Variants in PCDHA3 observed in about 807,000 individuals in gnomAD.
PCDHA3 encodes protocadherin alpha 3.
Under a neutral mutation model 62.2 loss-of-function variants are expected in PCDHA3, and 41 were observed. That is an observed-to-expected ratio of 0.66 (90% CI 0.51 to 0.86). The LOEUF (loss-of-function observed/expected upper bound fraction) is 0.86, where lower values mean the gene tolerates loss of function less well. Among genes scored for constraint, PCDHA3 ranks in the 40% least tolerant of loss-of-function variants. PCDHA3 has a pLI of 0.00. For synonymous variants in PCDHA3, 640 were observed against 555.4 expected, an observed-to-expected ratio of 1.15 and a Z score of -2.14; for missense variants, 1,304 against 1,241.2, an observed-to-expected ratio of 1.05 and a Z score of -0.76.
chr5:140,841,750 A>G (rs1554138520), intron 1 of PCDHA3: 6 of 1,613,798 alleles, frequency 3.7e-6, no homozygotes, highest in Non-Finnish European at 5.1e-6. Context: ...TGTTTGTTTC[A>G]GAATCCAGAA....
intron 1 of PCDHA3, among the ~76,000 whole-genome samples, chr5:140,972,283 A>C (rs2096528536): frequency 2.7e-5 from 4 of 149,876 alleles, no homozygotes; most frequent in Admixed American, 2.7e-4. Flanking sequence ...TGGACCATAG[A>C]TGTGCGCCAC....
intron 1 of PCDHA3, among the ~76,000 whole-genome samples, chr5:140,974,533 C>T (rs540810616): frequency 1.5e-4 from 23 of 152,160 alleles, no homozygotes; most frequent in Middle Eastern, 6.8e-3. Flanking sequence ...TTTTTTGAGA[C>T]GGAGTTTTGC....
At position 140,834,227 on chromosome 5, in the gene PCDHA3, A is replaced by T. The variant is rs1772849510; in HGVS notation, c.2394+30636A>T. The T allele has an allele frequency of 4.2e-6, 3 of 708,588 alleles. No individual in the cohort carries two copies. In the Admixed American group the frequency reaches 8.9e-5, roughly 21 times the overall value. 43.9% of individuals were successfully genotyped at this position (708,588 alleles called of 1,614,324 possible). ...AATTCTTTCGTAATCAGCAAAAGGAAGTCATTCCTTTTCGCACTGGAAAGA... is the reference window on the plus strand; with the variant it reads ...AATTCTTTCGTAATCAGCAAAAGGATGTCATTCCTTTTCGCACTGGAAAGA... On this transcript the variant is annotated intron_variant, in intron 1 of 3. Transcript: ENST00000522353.
Position 141,009,978 on chromosome 5 carries a change from A to G in PCDHA3, c.*41A>G. On this transcript the variant is annotated 3_prime_UTR_variant, in exon 4 of 4. Coordinates refer to ENST00000522353, the MANE Select transcript of PCDHA3 (RefSeq NM_018906.3). Reference sequence around the variant, plus strand: ...ACAAGCCACTTAGCCAGTTTTTGTAATAATGGCAAATCTCTCCCATGTAGC... The same window carrying G: ...ACAAGCCACTTAGCCAGTTTTTGTAGTAATGGCAAATCTCTCCCATGTAGC... 2 of 1,583,512 alleles carry G rather than the reference A, an allele frequency of 1.3e-6. No homozygotes were observed. Among genetic ancestry groups the G allele is most frequent in the Non-Finnish European group, 1.7e-6 (2 of 1,168,204 alleles).
At chr5:140,996,590 C>G (rs1325471388) in intron 3 of PCDHA3, among the ~76,000 whole-genome samples, 7 of 152,096 alleles carry the variant, frequency 4.6e-5, no homozygotes, top group African/African-American at 1.7e-4. Context: ...CAAGGGCCGC[C>G]TCCCCCCATT....
chr5:140,930,423 A>G (rs1366004853), intron 1 of PCDHA3: 3 of 151,862 alleles, frequency 2.0e-5, no homozygotes, highest in African/African-American at 7.3e-5. Flanking sequence ...GGGTCTCACT[A>G]TGTTGCCCAG....
rs369786229 is a variant in PCDHA3 at position 140,858,286 on chromosome 5, G to T, written c.2394+54695G>T. ...TGTGCTCTAGCGCGGTGGGGAGCTGGTCTTACTCGCAGCAGAGGCGGCAGA... is the reference window on the plus strand; with the variant it reads ...TGTGCTCTAGCGCGGTGGGGAGCTGTTCTTACTCGCAGCAGAGGCGGCAGA... On this transcript the variant is annotated intron_variant, in intron 1 of 3. Coordinates refer to ENST00000522353, the MANE Select transcript of PCDHA3 (RefSeq NM_018906.3). 5.0e-6 allele frequency: 8 copies of T among 1,597,506 alleles called. 1 individual carries two copies. Among genetic ancestry groups the T allele is most frequent in the Non-Finnish European group, 6.9e-6 (8 of 1,167,336 alleles).
intron 1 of PCDHA3, chr5:140,968,548 G>T: frequency 6.2e-7 from 1 of 1,614,174 alleles, no homozygotes; most frequent in Non-Finnish European, 8.5e-7. Context: ...TCGAGATGGT[G>T]CCTCGAACTG....
In PCDHA3 at chr5:140,927,340, G is replaced by A. The variant is rs77098674; in HGVS notation, c.2395-51609G>A. ...CCGCTTTACTCTCCCGAATGCCCAAGATGACGACGAGGGAAGCAATGGGAT... is the reference window on the plus strand; with the variant it reads ...CCGCTTTACTCTCCCGAATGCCCAAAATGACGACGAGGGAAGCAATGGGAT... On this transcript the variant is annotated intron_variant, in intron 1 of 3. Coordinates refer to ENST00000522353, the MANE Select transcript of PCDHA3 (RefSeq NM_018906.3). The A allele has an allele frequency of 8.1e-6, 13 of 1,614,032 alleles. No individual in the cohort carries two copies. The African/African-American group carries it at 1.5e-4, about 18-fold the overall frequency.
In PCDHA3 at chr5:140,995,570, A is replaced by T. The variant is rs186345842; in HGVS notation, c.2542+13007A>T. ...TCACTGTACTGAATAATATGTCAAG[A>T]TGAGCTATGAGCTTTTAACTTAGTG... is the stretch of plus-strand genomic sequence containing the variant. On this transcript the variant is annotated intron_variant, in intron 3 of 3. Transcript: ENST00000522353. Among the ~76,000 whole-genome samples, 3 of 152,328 alleles carry T rather than the reference A, an allele frequency of 2.0e-5. No homozygotes were observed. In the East Asian group the frequency reaches 5.8e-4, roughly 29 times the overall value.
chr5:140,803,826 G>A, intron 1 of PCDHA3: 3 of 638,648 alleles, frequency 4.7e-6, no homozygotes, highest in Middle Eastern at 4.2e-4. Context: ...ATTAGGTGCA[G>A]TAGTAGAATT....
At position 140,843,387 on chromosome 5, in the gene PCDHA3, C is replaced by G. The variant is rs782229636; in HGVS notation, c.2394+39796C>G. On this transcript the variant is annotated intron_variant, in intron 1 of 3. Transcript: ENST00000522353. ...AGGCAGTCGGCTGGCGTTTTGGGTC[C>G]GGAAGCGGCGCTGGTGGATGTCAAC... 7 of 1,595,950 alleles carry G rather than the reference C, an allele frequency of 4.4e-6. 1 individual carries two copies. The Admixed American group carries it at 1.2e-4, about 27-fold the overall frequency.
chr5:140,825,831 AT>A (rs1768728016), intron 1 of PCDHA3: 1 of 152,494 alleles, frequency 6.6e-6, no homozygotes, highest in Non-Finnish European at 1.5e-5. Context: ...GATTAAAAAA[AT>A]AAATATACCA....
intron 1 of PCDHA3, chr5:140,859,188 C>T (rs2045759773): frequency 6.7e-6 from 1 of 149,820 alleles, no homozygotes; most frequent in Non-Finnish European, 1.5e-5. Flanking sequence ...TTAGGCATTG[C>T]TTATGATATT....
chr5:140,990,342 C>A (rs2097389388), intron 3 of PCDHA3, among the ~76,000 whole-genome samples: 1 of 152,124 alleles, frequency 6.6e-6, no homozygotes, highest in Non-Finnish European at 1.5e-5. Flanking sequence ...TAAGTAAAGC[C>A]TGCCCTGTAC....
At chr5:140,994,631 G>A (rs978359081) in intron 3 of PCDHA3, among the ~76,000 whole-genome samples, 1 of 152,106 alleles carries the variant, frequency 6.6e-6, no homozygotes, top group Non-Finnish European at 1.5e-5. Flanking sequence ...CTTGAACCTG[G>A]AAGGTGGAGG....
chr5:140,843,243 A>G, intron 1 of PCDHA3: 2 of 1,595,128 alleles, frequency 1.3e-6, no homozygotes, highest in Non-Finnish European at 1.7e-6. Context: ...GACGAAGCGG[A>G]CTCTCCGCGC....
intron 1 of PCDHA3, among the ~76,000 whole-genome samples, chr5:140,837,614 C>G (rs188278547): frequency 3.4e-5 from 5 of 147,660 alleles, no homozygotes; most frequent in African/African-American, 1.3e-4. Flanking sequence ...TTATAATTTG[C>G]CCCTTCCTTC....
intron 1 of PCDHA3, chr5:140,863,232 G>A (rs1283717964): frequency 8.1e-7 from 1 of 1,230,740 alleles, no homozygotes; most frequent in Non-Finnish European, 1.1e-6. Context: ...AGGTCCCATC[G>A]CGGGCTTTGG....
Sources: allele counts gnomAD v4.1 joint callset (sites outside exome capture counted in the v4.1 genomes callset), GRCh38; gene constraint gnomAD v4.1.1; transcripts MANE v1.5; gene names NCBI Gene and HGNC (gene_info 2026-07-23, HGNC 2026-07-21).